Variants in NECTIN3 observed in about 807,000 individuals in gnomAD.
The protein encoded by NECTIN3 is nectin-3.
A neutral mutation model predicts 49.4 loss-of-function variants in NECTIN3; 8 were observed. The observed-to-expected ratio is 0.16, with a 90% CI of 0.10 to 0.29. The LOEUF (loss-of-function observed/expected upper bound fraction) is 0.29. Ranked by LOEUF, NECTIN3 falls within the 10% of genes least tolerant of loss-of-function variation. The pLI is 1.00. For missense variants in NECTIN3, 581 were observed against 654.6 expected, an observed-to-expected ratio of 0.89 and a Z score of 1.23; for synonymous variants, 277 against 241.1, an observed-to-expected ratio of 1.15 and a Z score of -1.38.
chr3:111,147,072 A>G (rs1395796526), intron 6 of NECTIN3, among the ~76,000 whole-genome samples: 1 of 152,180 alleles, frequency 6.6e-6, no homozygotes, highest in African/African-American at 2.4e-5. Flanking sequence ...TGAGACTCTA[A>G]AATGTTGATA....
At chr3:111,130,975 G>A (rs2107488968) in intron 5 of NECTIN3, among the ~76,000 whole-genome samples, 1 of 152,152 alleles carries the variant, frequency 6.6e-6, no homozygotes, top group East Asian at 1.9e-4. Flanking sequence ...TGCACAGCTT[G>A]AATTTCAGGT....
At chr3:111,078,296 C>T (rs1470607264) in intron 1 of NECTIN3, among the ~76,000 whole-genome samples, 1 of 152,150 alleles carries the variant, frequency 6.6e-6, no homozygotes, top group Non-Finnish European at 1.5e-5. Flanking sequence ...GATTGACTTT[C>T]TCCAGGAAGG....
At chr3:111,093,183 T>A (rs997572576) in intron 1 of NECTIN3, among the ~76,000 whole-genome samples, 4 of 152,200 alleles carry the variant, frequency 2.6e-5, no homozygotes, top group Non-Finnish European at 4.4e-5. Flanking sequence ...TCTAACAGCC[T>A]CTTCCTCCTG....
At chr3:111,122,401 C>A (rs1170227601) in intron 4 of NECTIN3, among the ~76,000 whole-genome samples, 163 bp downstream of exon 4, 1 of 151,934 alleles carries the variant, frequency 6.6e-6, no homozygotes, top group African/African-American at 2.4e-5. Context: ...ACCTTCCTAC[C>A]CCCTCAGTTC....
chr3:111,076,365 C>A (rs1444315888), intron 1 of NECTIN3, among the ~76,000 whole-genome samples: 1 of 152,018 alleles, frequency 6.6e-6, no homozygotes, highest in Non-Finnish European at 1.5e-5. Context: ...CTATTAAAAT[C>A]TTCATAAAAG....
At chr3:111,075,120 C>CA (rs1229352401) in intron 1 of NECTIN3, 2 of 152,058 alleles carry the variant, frequency 1.3e-5, no homozygotes, top group Non-Finnish European at 2.9e-5. Flanking sequence ...ACGCATAAGA[C>CA]AGAGTCCTGG....
chr3:111,182,210 A>C (rs918573631), intron 7 of NECTIN3, among the ~76,000 whole-genome samples: 21 of 151,926 alleles, frequency 1.4e-4, no homozygotes, highest in Non-Finnish European at 2.4e-4. Flanking sequence ...TTTCACTTCA[A>C]TCTTTTAAGT....
chr3:111,094,734 C>T (rs146456666), intron 1 of NECTIN3, among the ~76,000 whole-genome samples: 13 of 152,294 alleles, frequency 8.5e-5, no homozygotes, highest in African/African-American at 3.1e-4. Flanking sequence ...CACAGAAGCT[C>T]ATTAGAGACT....
chr3:111,165,734 A>G (rs1383468168), intron 7 of NECTIN3, among the ~76,000 whole-genome samples: 1 of 152,166 alleles, frequency 6.6e-6, no homozygotes, highest in Admixed American at 6.5e-5. Flanking sequence ...CTATTCCATA[A>G]GCTTATATTA....
chr3:111,193,104 C>A, intron 1 of NECTIN3: 1 of 1,113,626 alleles, frequency 9.0e-7, no homozygotes, highest in Non-Finnish European at 1.3e-6. Context: ...ATCAGGGACA[C>A]TAAACTGTAG....
upstream of NECTIN3, among the ~76,000 whole-genome samples, chr3:111,189,512 C>T (rs2035777807): frequency 6.6e-6 from 1 of 152,002 alleles, no homozygotes; most frequent in South Asian, 2.1e-4. Flanking sequence ...TCACACCCAC[C>T]CCCTTTACAG....
chr3:111,183,529 G>T (rs2035665082), intron 7 of NECTIN3, among the ~76,000 whole-genome samples: 1 of 152,026 alleles, frequency 6.6e-6, no homozygotes, highest in Admixed American at 6.5e-5. Flanking sequence ...GGCCAGGCTG[G>T]TCTCAAACTC....
chr3:111,115,510 C>CTA (rs1442733611), intron 2 of NECTIN3, among the ~76,000 whole-genome samples: 1 of 152,182 alleles, frequency 6.6e-6, no homozygotes, highest in Admixed American at 6.6e-5. Context: ...TACAGAATTT[C>CTA]AGATCCCTCT....
intron 7 of NECTIN3, among the ~76,000 whole-genome samples, chr3:111,149,122 G>A (rs963433610): frequency 6.6e-6 from 1 of 152,024 alleles, no homozygotes; most frequent in Non-Finnish European, 1.5e-5. Flanking sequence ...TGGTTTGAGA[G>A]CACTTTTATC....
intron 7 of NECTIN3, among the ~76,000 whole-genome samples, chr3:111,176,670 C>CT (rs143878592): frequency 0.051 from 7,564 of 148,784 alleles, 598 homozygotes; most frequent in African/African-American, 0.17. Context: ...CCTTTATTTT[C>CT]TTTTTTTTTT....
chr3:111,081,346 G>A (rs1258954858), intron 1 of NECTIN3, among the ~76,000 whole-genome samples: 1 of 152,190 alleles, frequency 6.6e-6, no homozygotes, highest in East Asian at 1.9e-4. Flanking sequence ...CATCTGTTAT[G>A]TAGAAAGGAC....
intron 1 of NECTIN3, among the ~76,000 whole-genome samples, chr3:111,095,045 T>C (rs1468002814): frequency 6.6e-6 from 1 of 152,220 alleles, no homozygotes; most frequent in African/African-American, 2.4e-5. Flanking sequence ...TACAAGGCTC[T>C]AAGAGCCATT....
chr3:111,144,819 T>C, intron 5 of NECTIN3: 2 of 1,419,596 alleles, frequency 1.4e-6, no homozygotes, highest in Non-Finnish European at 9.4e-7. Context: ...TCAAATAGTT[T>C]GCACATTGTA....
At chr3:111,089,398 G>A (rs1456463624) in intron 1 of NECTIN3, among the ~76,000 whole-genome samples, 1 of 147,318 alleles carries the variant, frequency 6.8e-6, no homozygotes, top group African/African-American at 2.6e-5. Context: ...CTGATTTTCA[G>A]CCTTTCTCGT....
Sources: gnomAD v4.1 joint callset for allele counts (sites outside exome capture counted in the v4.1 genomes callset) on GRCh38, gnomAD v4.1.1 for gene constraint, MANE v1.5 for transcripts, NCBI Gene and HGNC (gene_info 2026-07-23, HGNC 2026-07-21) for gene names.